The following BRD4 variants were observed in gnomAD, a reference collection of about 807,000 sequenced individuals.
BRD4 encodes bromodomain-containing protein 4.
BRD4 carries 16 observed loss-of-function variants against 142.1 expected under a neutral mutation model. That is an observed-to-expected ratio of 0.11 (90% CI 0.08 to 0.17). BRD4 has a LOEUF of 0.17. Among genes scored for constraint, BRD4 ranks in the 10% least tolerant of loss-of-function variants. The probability of loss-of-function intolerance (pLI) is 1.00; values close to 1 mark genes in which losing one functional copy is unlikely to be tolerated. For missense variants in BRD4, 1,424 were observed against 1,810.9 expected (o/e 0.79, Z 3.88); for synonymous variants, 833 against 707.5 (o/e 1.18, Z -2.82).
At chr19:15,325,130 T>C (rs1239220243) in intron 1 of BRD4, among the ~76,000 whole-genome samples, 5 of 152,196 alleles carry the variant, frequency 3.3e-5, no homozygotes, top group African/African-American at 1.2e-4. Context: ...GGCACAGCAC[T>C]GCTGCCAAGC....
chr19:15,304,085 G>T (rs1043148537), intron 1 of BRD4, among the ~76,000 whole-genome samples: 4 of 152,172 alleles, frequency 2.6e-5, no homozygotes, highest in Non-Finnish European at 4.4e-5. Flanking sequence ...CCTCTCCAGA[G>T]GTAAACCCAA....
chr19:15,240,076 T>C, intron 14 of BRD4, 54 bp from the exon 15 acceptor site: 1 of 1,548,996 alleles, frequency 6.5e-7, no homozygotes, highest in Non-Finnish European at 8.7e-7. Context: ...CTGCTGGCCC[T>C]GAGAGAATTG....
At chr19:15,256,836 C>T (rs528906630) in intron 8 of BRD4, 128 bp downstream of exon 8, 8 of 794,178 alleles carry the variant, frequency 1.0e-5, no homozygotes, top group Admixed American at 5.8e-5. Flanking sequence ...GAAAAGGCCA[C>T]AGGTGGTCCA....
At chr19:15,253,458 G>T in intron 11 of BRD4, 2 of 1,225,452 alleles carry the variant, frequency 1.6e-6, no homozygotes, top group Non-Finnish European at 2.3e-6. Context: ...GGAACCCAGG[G>T]TCCAACGTGC....
rs546630708 is a variant in BRD4 at position 15,280,374 on chromosome 19, C to T, written c.-34-7241G>A. ...TGTACCCATCAGTGGCCTGCCTTCT[C>T]TGCAGAAGCAGCTGGGTGCCATGTG... On this transcript the variant is annotated intron_variant, in intron 1 of 19. Coordinates refer to ENST00000679869, the MANE Select transcript of BRD4 (RefSeq NM_001379291.1). 3 of 1,016,736 alleles carry T rather than the reference C, an allele frequency of 3.0e-6. No individual in the cohort carries two copies. The East Asian group carries it at 2.0e-4, about 68-fold the overall frequency. 63.0% of individuals were successfully genotyped at this position (1,016,736 alleles called of 1,614,324 possible).
rs1232150928 is a variant in BRD4, at chr19:15,238,942, C to T, written c.3821G>A (p.Arg1274Gln). The T allele has an allele frequency of 1.9e-6, 3 of 1,597,538 alleles. No homozygotes were observed. Among genetic ancestry groups the T allele is most frequent in the East Asian group, 4.5e-5 (2 of 44,294 alleles). ...EDEDALEQAR[R>Q]AHEEARRRQE... ...GCGCCGACGTGCCTCCTCATGGGCCCGCCGGGCCTGCTCCAGCGCATCCTC... is the reference window on the plus strand; with the variant it reads ...GCGCCGACGTGCCTCCTCATGGGCCTGCCGGGCCTGCTCCAGCGCATCCTC... The change falls in exon 19 of 20, where the codon CGG becomes CAG. Residue 1274 changes from arginine (R) to glutamine (Q), a missense_variant. Transcript: ENST00000679869. The surrounding 1 kb of genome is among the most constrained non-coding windows in gnomAD (Gnocchi z 7.2).
At chr19:15,316,012 C>T (rs929333949) in intron 1 of BRD4, among the ~76,000 whole-genome samples, 7 of 151,244 alleles carry the variant, frequency 4.6e-5, no homozygotes, top group Non-Finnish European at 7.4e-5. Context: ...AAAAATTAGC[C>T]GGGCGTAGTG....
chr19:15,314,998 G>A (rs1284819309), intron 1 of BRD4, among the ~76,000 whole-genome samples: 6 of 152,228 alleles, frequency 3.9e-5, no homozygotes, highest in East Asian at 3.8e-4. Context: ...CATGACAGGA[G>A]TGTAGGTCTT....
intron 1 of BRD4, among the ~76,000 whole-genome samples, chr19:15,314,501 G>T (rs112364052): frequency 1.3e-5 from 2 of 152,050 alleles, no homozygotes; most frequent in Non-Finnish European, 1.5e-5. Context: ...TCTTATTTCC[G>T]ACGTCCTATT....
chr19:15,305,003 T>G (rs916402116), intron 1 of BRD4, among the ~76,000 whole-genome samples: 2 of 150,118 alleles, frequency 1.3e-5, no homozygotes, highest in Non-Finnish European at 3.0e-5. Context: ...TAAATTCACC[T>G]ACATTAAAAT....
At position 15,329,838 on chromosome 19, in the gene BRD4, C is replaced by T. The variant is rs146826907; in HGVS notation, c.-35+2452G>A. ...TTGTGAAACAAGAAAATATTGTTACCCCCACCTCCTAAAGCAAAAGTGCAA... is the reference window on the plus strand; with the variant it reads ...TTGTGAAACAAGAAAATATTGTTACTCCCACCTCCTAAAGCAAAAGTGCAA... On this transcript the variant is annotated intron_variant, in intron 1 of 19. Transcript: ENST00000679869. Among the ~76,000 whole-genome samples, 50 of 152,260 alleles carry T rather than the reference C, an allele frequency of 3.3e-4. No homozygotes were observed. The East Asian group carries it at 8.7e-3, about 26-fold the overall frequency.
chr19:15,256,183 C>A lies in BRD4; in HGVS notation c.1632G>T (p.Lys544Asn). 6.2e-7 allele frequency: 1 copy of A among 1,612,206 alleles called. No individual in the cohort carries two copies. Among genetic ancestry groups the A allele is most frequent in the Non-Finnish European group, 8.5e-7 (1 of 1,179,828 alleles). Residue 544 changes from lysine (K) to asparagine (N), a missense_variant, in exon 9 of 20, where the codon AAG becomes AAT. This residue lies in a region of BRD4 where 86 missense variants were observed against 78.9 expected (regional missense o/e 1.09). Transcript: ENST00000679869. ...NKPKKKEKDK[K>N]EKKKEKHKRK... ...TTTTGTGCTTTTCTTTTTTCTTTTC[C>A]TTCTTGTCTTTCTCCTTTTTCTTTG...
intron 14 of BRD4, among the ~76,000 whole-genome samples, chr19:15,242,221 T>C (rs1468128698): frequency 6.6e-6 from 1 of 152,126 alleles, no homozygotes; most frequent in Non-Finnish European, 1.5e-5. Context: ...CCATCTACAC[T>C]GCTGAGGCCA....
intron 1 of BRD4, among the ~76,000 whole-genome samples, chr19:15,307,895 G>A (rs748818945): frequency 5.8e-4 from 87 of 149,878 alleles, no homozygotes; most frequent in Middle Eastern, 3.4e-3. Context: ...CGGGCGGATC[G>A]CTTGAGGCCG....
chr19:15,241,895 C>A (rs1187736394), intron 14 of BRD4, among the ~76,000 whole-genome samples: 1 of 151,294 alleles, frequency 6.6e-6, no homozygotes. Flanking sequence ...TCACTGCAAC[C>A]TCCGCCTCCC....
intron 1 of BRD4, among the ~76,000 whole-genome samples, chr19:15,328,542 G>A (rs1437282828): frequency 2.6e-5 from 4 of 152,158 alleles, no homozygotes; most frequent in Non-Finnish European, 5.9e-5. Context: ...TATCTTAGTT[G>A]AAACTCACAT....
intron 1 of BRD4, among the ~76,000 whole-genome samples, chr19:15,302,327 G>A (rs971163467): frequency 2.0e-5 from 3 of 152,196 alleles, no homozygotes; most frequent in African/African-American, 7.2e-5. Flanking sequence ...AGTGCAGCAG[G>A]CAAGGACAGC....
At chr19:15,328,450 T>C (rs2048128325) in intron 1 of BRD4, among the ~76,000 whole-genome samples, 1 of 152,164 alleles carries the variant, frequency 6.6e-6, no homozygotes, top group Non-Finnish European at 1.5e-5. Flanking sequence ...AAGTGGGAAA[T>C]GTCCAGTAGT....
chr19:15,323,192 A>G (rs2144999691), intron 1 of BRD4, among the ~76,000 whole-genome samples: 1 of 150,712 alleles, frequency 6.6e-6, no homozygotes, highest in East Asian at 1.9e-4. Context: ...AAAAAAAAAA[A>G]AAAAAAAAAA....
Sources: allele counts gnomAD v4.1 joint callset (sites outside exome capture counted in the v4.1 genomes callset), GRCh38; gene constraint gnomAD v4.1.1; regional missense constraint gnomAD v4.1.1; non-coding constraint Gnocchi (gnomAD v3.1); transcripts MANE v1.5; gene names NCBI Gene and HGNC (gene_info 2026-07-23, HGNC 2026-07-21).